Variants in ADAMTS6 observed in about 807,000 individuals in gnomAD.
ADAMTS6 encodes the protein A disintegrin and metalloproteinase with thrombospondin motifs 6.
ADAMTS6 carries 23 observed loss-of-function variants against 144.3 expected under a neutral mutation model. The ratio of observed to expected loss-of-function variants is 0.16; its 90% CI spans 0.11 to 0.23. ADAMTS6 has a LOEUF of 0.23. Among genes scored for constraint, ADAMTS6 ranks in the 10% least tolerant of loss-of-function variants. The pLI, the probability that ADAMTS6 is intolerant of heterozygous loss-of-function variation, is 1.00. For missense variants in ADAMTS6, 999 were observed against 1,379.6 expected (o/e 0.72, Z 4.37); for synonymous variants, 444 against 457.5 (o/e 0.97, Z 0.38).
chr5:65,341,471 G>A (rs1747817725), intron 7 of ADAMTS6, among the ~76,000 whole-genome samples: 1 of 151,820 alleles, frequency 6.6e-6, no homozygotes, highest in Admixed American at 6.6e-5. Context: ...GAAGAAAAGA[G>A]AGACGACTCA....
At chr5:65,210,857 C>A in intron 20 of ADAMTS6, 1 of 347,468 alleles carries the variant, frequency 2.9e-6, no homozygotes, top group East Asian at 5.3e-5. Flanking sequence ...GCTCTTGCTG[C>A]CACAGGAGAG....
At chr5:65,350,695 CCAGGCT>C (rs1748776543) in intron 7 of ADAMTS6, among the ~76,000 whole-genome samples, 1 of 152,064 alleles carries the variant, frequency 6.6e-6, no homozygotes, top group Admixed American at 6.6e-5. Flanking sequence ...ACTCTGTCAC[CCAGGCT>C]GCAGTGCAGT....
intron 11 of ADAMTS6, among the ~76,000 whole-genome samples, chr5:65,283,220 AC>A (rs1387114282): frequency 6.6e-6 from 1 of 152,134 alleles, no homozygotes; most frequent in Non-Finnish European, 1.5e-5. Context: ...ACATATGGTG[AC>A]CTTATGGCCT....
chr5:65,273,578 T>A lies in ADAMTS6; in HGVS notation c.1513-131A>T, dbSNP rs1423424. ...ACCTTTTGCTGCTGAAGCATCGCAG[T>A]TGAGGATTTTGGAGGAGGTTTTTAT... On this transcript the variant is annotated intron_variant, in intron 11 of 24. Coordinates refer to ENST00000381055, the MANE Select transcript of ADAMTS6 (RefSeq NM_197941.4). The A allele has an allele frequency of 0.51, 312,817 of 608,744 alleles. 81,554 individuals are homozygous for A. The highest frequency in any genetic ancestry group is 0.58 in the African/African-American group (32,196 of 55,582). 37.7% of individuals were successfully genotyped at this position (608,744 alleles called of 1,614,324 possible).
chr5:65,436,434 A>G (rs758383536), intron 7 of ADAMTS6, among the ~76,000 whole-genome samples: 8 of 152,206 alleles, frequency 5.3e-5, no homozygotes, highest in Non-Finnish European at 1.0e-4. Context: ...TTAGCGTGGA[A>G]TCATAAAATT....
chr5:65,313,542 T>C (rs2112851425), intron 9 of ADAMTS6, among the ~76,000 whole-genome samples: 1 of 152,128 alleles, frequency 6.6e-6, no homozygotes, highest in South Asian at 2.1e-4. Context: ...AAAGACAATA[T>C]GGAGTACTAC....
At chr5:65,362,324 T>C (rs1009306201) in intron 7 of ADAMTS6, among the ~76,000 whole-genome samples, 4 of 152,220 alleles carry the variant, frequency 2.6e-5, no homozygotes, top group African/African-American at 7.2e-5. Flanking sequence ...AATTTTCCCA[T>C]ATCGGCTATC....
At chr5:65,398,832 GAAAGAA>G (rs1212823736) in intron 7 of ADAMTS6, among the ~76,000 whole-genome samples, 2 of 142,880 alleles carry the variant, frequency 1.4e-5, no homozygotes, top group East Asian at 2.0e-4. Flanking sequence ...AAGAAAGAAA[GAAAGAA>G]AGAAAGAAAG....
At chr5:65,401,661 T>G (rs551379623) in intron 7 of ADAMTS6, among the ~76,000 whole-genome samples, 1 of 152,308 alleles carries the variant, frequency 6.6e-6, no homozygotes, top group South Asian at 2.1e-4. Context: ...CTGGTTTCCA[T>G]GGAGGTTTCT....
intron 22 of ADAMTS6, among the ~76,000 whole-genome samples, chr5:65,179,512 A>G (rs998445150): frequency 6.6e-6 from 1 of 152,220 alleles, no homozygotes; most frequent in Non-Finnish European, 1.5e-5. Context: ...TGCTGTCATT[A>G]ATAGTAATAA....
chr5:65,448,417 A>G (rs1174696131), intron 7 of ADAMTS6, among the ~76,000 whole-genome samples: 1 of 152,056 alleles, frequency 6.6e-6, no homozygotes, highest in Non-Finnish European at 1.5e-5. Flanking sequence ...CCCTGGGACA[A>G]AATTTGGCCT....
At chr5:65,256,961 T>TCTC (rs1554056689) in intron 14 of ADAMTS6, among the ~76,000 whole-genome samples, 686 of 117,082 alleles carry the variant, frequency 5.9e-3, no homozygotes, top group Non-Finnish European at 8.3e-3. Context: ...GGGTCACTTT[T>TCTC]TCTCTCTCTC....
At chr5:65,191,572 C>T (rs1294646763) in intron 21 of ADAMTS6, among the ~76,000 whole-genome samples, 1 of 151,828 alleles carries the variant, frequency 6.6e-6, no homozygotes, top group African/African-American at 2.4e-5. Flanking sequence ...CAGAATTTGA[C>T]AATAATATCT....
chr5:65,224,395 T>C lies in ADAMTS6; in HGVS notation c.2197A>G (p.Met733Val), dbSNP rs775071126. 2 of 1,614,082 alleles carry C rather than the reference T, an allele frequency of 1.2e-6. No homozygotes were observed. Among genetic ancestry groups the C allele is most frequent in the South Asian group, 2.2e-5 (2 of 91,082 alleles). ...CCTCTTGGTATCTGCACCACTTCCA[T>C]GTAGCCTGGAACACAGAAGATAGCC... is the stretch of plus-strand genomic sequence containing the variant. The part of the protein sequence containing the change: ...FNDSLPRGGY[M>V]EVVQIPRGSV... Residue 733 changes from methionine (M) to valine (V), a missense_variant, in exon 18 of 25, where the codon ATG (methionine) becomes GTG (valine). Met to Val is a conservative substitution (Grantham distance 21). Coordinates refer to ENST00000381055, the MANE Select transcript of ADAMTS6 (RefSeq NM_197941.4).
At chr5:65,402,962 T>C (rs116069021) in intron 7 of ADAMTS6, among the ~76,000 whole-genome samples, 2,128 of 152,184 alleles carry the variant, frequency 0.014, 48 homozygotes, top group African/African-American at 0.049. Context: ...TTACTTCCTT[T>C]TCTTCCTTTT....
chr5:65,224,101 G>T (rs1169803423), intron 18 of ADAMTS6, among the ~76,000 whole-genome samples: 8 of 151,916 alleles, frequency 5.3e-5, no homozygotes, highest in Admixed American at 5.3e-4. Flanking sequence ...CGCCTGGCCT[G>T]ATTTTTTAAA....
chr5:65,309,619 G>C (rs1430377574), intron 9 of ADAMTS6, among the ~76,000 whole-genome samples: 3 of 140,392 alleles, frequency 2.1e-5, no homozygotes, highest in Non-Finnish European at 4.6e-5. Flanking sequence ...CACACACACA[G>C]AATATTTTAA....
At position 65,470,729 on chromosome 5, in the gene ADAMTS6, A is replaced by T. The variant is rs552689468; in HGVS notation, c.462+49T>A. 20 of 1,476,488 alleles carry T rather than the reference A, an allele frequency of 1.4e-5. 1 individual carries two copies. In the Admixed American group the frequency reaches 4.9e-4, roughly 36 times the overall value. 91.5% of individuals were successfully genotyped at this position (1,476,488 alleles called of 1,614,324 possible). A position where few individuals can be genotyped will look rare whatever the true frequency, so the allele number is the denominator to read the frequency against. ...ATCTGAGGAAAGACATTTACATTGC[A>T]AAATTCTTATTTTCCCATCAGAAGT... On this transcript the variant is annotated intron_variant, in intron 3 of 24. Transcript: ENST00000381055.
chr5:65,333,997 TAAAAAA>T (rs750637450), intron 8 of ADAMTS6, 39 bp downstream of exon 8: 399 of 841,914 alleles, frequency 4.7e-4, no homozygotes, highest in East Asian at 1.1e-3. Flanking sequence ...CTACCTTTAT[TAAAAAA>T]AAAAAAAAAA....
Sources: gnomAD v4.1 joint callset for allele counts (sites outside exome capture counted in the v4.1 genomes callset) on GRCh38, gnomAD v4.1.1 for gene constraint, MANE v1.5 for transcripts, NCBI Gene and HGNC (gene_info 2026-07-23, HGNC 2026-07-21) for gene names.